The following LDLRAD4 variants were observed in gnomAD, a reference collection of about 807,000 sequenced individuals.
LDLRAD4 encodes the protein low-density lipoprotein receptor class A domain-containing protein 4.
A neutral mutation model predicts 17.0 loss-of-function variants in LDLRAD4; 5 were observed. That is an observed-to-expected ratio of 0.29 (90% CI 0.15 to 0.62). The LOEUF is 0.62. Among genes scored for constraint, LDLRAD4 ranks in the 20% least tolerant of loss-of-function variants. The pLI is 0.84. For synonymous variants in LDLRAD4, 168 were observed against 171.8 expected (o/e 0.98, Z 0.17); for missense variants, 340 against 424.7 (o/e 0.80, Z 1.75).
chr18:13,328,482 C>T (rs1038412841), intron 1 of LDLRAD4, among the ~76,000 whole-genome samples: 6 of 152,206 alleles, frequency 3.9e-5, no homozygotes, highest in African/African-American at 1.4e-4. Context: ...GCTACACTTC[C>T]CAGCCTGTCA....
At chr18:13,628,319 A>G (rs1463025420) in intron 4 of LDLRAD4, among the ~76,000 whole-genome samples, 3 of 152,214 alleles carry the variant, frequency 2.0e-5, no homozygotes, top group Non-Finnish European at 4.4e-5. Context: ...TTCCTCTGGC[A>G]TCATTGTGGG....
intron 3 of LDLRAD4, among the ~76,000 whole-genome samples, chr18:13,533,397 C>T (rs2094156777): frequency 6.6e-6 from 1 of 152,120 alleles, no homozygotes; most frequent in African/African-American, 2.4e-5. Context: ...GATCTTTGGA[C>T]TAGAGCATTT....
At chr18:13,503,253 A>G (rs2093641103) in intron 3 of LDLRAD4, among the ~76,000 whole-genome samples, 1 of 152,206 alleles carries the variant, frequency 6.6e-6, no homozygotes, top group South Asian at 2.1e-4. Context: ...ACTGTTGGAA[A>G]TGGCAGCATT....
intron 1 of LDLRAD4, among the ~76,000 whole-genome samples, chr18:13,248,153 C>G (rs1484023547): frequency 1.3e-5 from 2 of 151,994 alleles, no homozygotes; most frequent in Admixed American, 1.3e-4. Flanking sequence ...AGTACATACA[C>G]TGTTTCTCCA....
At chr18:13,318,470 C>T (rs1178781876) in intron 1 of LDLRAD4, among the ~76,000 whole-genome samples, 1 of 152,152 alleles carries the variant, frequency 6.6e-6, no homozygotes, top group East Asian at 1.9e-4. Context: ...CCATACTGGT[C>T]AGGCTGGTCT....
intron 3 of LDLRAD4, among the ~76,000 whole-genome samples, chr18:13,452,693 A>G (rs1175192818): frequency 1.3e-5 from 2 of 152,218 alleles, no homozygotes; most frequent in Non-Finnish European, 2.9e-5. Context: ...GCAGTGTTCA[A>G]AAGAGCTTTC....
intron 2 of LDLRAD4, among the ~76,000 whole-genome samples, chr18:13,418,096 C>T (rs1208794312): frequency 2.0e-5 from 3 of 152,188 alleles, no homozygotes; most frequent in Admixed American, 1.3e-4. Flanking sequence ...CGCACTGAGC[C>T]CTGGAGCTCC....
At chr18:13,224,236 G>A (rs927568099) in intron 1 of LDLRAD4, among the ~76,000 whole-genome samples, 4 of 152,354 alleles carry the variant, frequency 2.6e-5, no homozygotes, top group Middle Eastern at 3.4e-3. Context: ...GCAACAGTCA[G>A]CAGGAGTGCT....
At chr18:13,371,621 C>T (rs181320605) in intron 1 of LDLRAD4, among the ~76,000 whole-genome samples, 4 of 152,102 alleles carry the variant, frequency 2.6e-5, no homozygotes, top group East Asian at 1.9e-4. Flanking sequence ...AAAAATTAGC[C>T]GGGCATGGTG....
At chr18:13,244,124 T>TC (rs2042833462) in intron 1 of LDLRAD4, among the ~76,000 whole-genome samples, 3 of 75,852 alleles carry the variant, frequency 4.0e-5, no homozygotes, top group Admixed American at 1.6e-4. Flanking sequence ...CACCATGAAC[T>TC]CACCCACCCA....
intron 3 of LDLRAD4, among the ~76,000 whole-genome samples, chr18:13,575,448 A>G (rs562843568): frequency 1.3e-5 from 2 of 152,280 alleles, no homozygotes; most frequent in East Asian, 3.9e-4. Context: ...ATATACCACA[A>G]TTTCTTTATC....
intron 1 of LDLRAD4, among the ~76,000 whole-genome samples, chr18:13,269,581 G>A (rs1599016441): frequency 1.3e-5 from 2 of 151,086 alleles, no homozygotes; most frequent in East Asian, 1.9e-4. Flanking sequence ...TTTTTCCTGA[G>A]GGGAAGCCCA....
intron 3 of LDLRAD4, among the ~76,000 whole-genome samples, chr18:13,478,875 C>A (rs1255488154): frequency 6.6e-6 from 1 of 152,216 alleles, no homozygotes; most frequent in East Asian, 1.9e-4. Flanking sequence ...GCCTTAAAGA[C>A]TTACCATAAA....
intron 3 of LDLRAD4, among the ~76,000 whole-genome samples, chr18:13,492,445 C>G (rs1187712665): frequency 6.6e-6 from 1 of 152,222 alleles, no homozygotes; most frequent in Non-Finnish European, 1.5e-5. Context: ...CCTTCCCCCC[C>G]GGGTCTGAAT....
intron 3 of LDLRAD4, chr18:13,521,219 T>G (rs1375273756): frequency 6.6e-6 from 1 of 152,232 alleles, no homozygotes; most frequent in African/African-American, 2.4e-5. Flanking sequence ...GCAGCCTGGC[T>G]TTGCAAGCTA....
intron 3 of LDLRAD4, among the ~76,000 whole-genome samples, chr18:13,501,792 G>C (rs1239827825): frequency 1.3e-5 from 2 of 152,016 alleles, no homozygotes; most frequent in African/African-American, 2.4e-5. Flanking sequence ...GGGTTGGTTT[G>C]GTTTAATGCA....
chr18:13,633,644 G>A (rs967914318), intron 4 of LDLRAD4, among the ~76,000 whole-genome samples: 1 of 152,224 alleles, frequency 6.6e-6, no homozygotes, highest in African/African-American at 2.4e-5. Flanking sequence ...TGGCCAAATT[G>A]TGACAGTGCC....
At chr18:13,620,943 C>T (rs2040570044) in intron 3 of LDLRAD4, 174 bp from the exon 5 acceptor site, 2 of 885,356 alleles carry the variant, frequency 2.3e-6, no homozygotes, top group Non-Finnish European at 3.6e-6. Context: ...CCGACTGTGC[C>T]GTGGTGTCTC....
chr18:13,644,785 A>T, intron 5 of LDLRAD4: 1 of 253,786 alleles, frequency 3.9e-6, no homozygotes, highest in South Asian at 7.4e-5. Flanking sequence ...TCGCCCTGTG[A>T]CTCTTGGAGT....
Sources: allele counts gnomAD v4.1 joint callset (sites outside exome capture counted in the v4.1 genomes callset), GRCh38; gene constraint gnomAD v4.1.1; transcripts MANE v1.5; gene names NCBI Gene and HGNC (gene_info 2026-07-23, HGNC 2026-07-21).